Variants in AKAP1 observed in about 807,000 individuals in gnomAD.
AKAP1 encodes the protein A-kinase anchoring protein 1.
In AKAP1, 32 loss-of-function variants were observed where a neutral mutation model predicts 79.8. That is an observed-to-expected ratio of 0.40 (90% CI 0.30 to 0.54). AKAP1 has a LOEUF of 0.54. AKAP1 is among the 20% of genes least tolerant of loss of function. The pLI is 0.47. For missense variants in AKAP1, 961 were observed against 1,138.9 expected, an observed-to-expected ratio of 0.84 and a Z score of 2.25; for synonymous variants, 416 against 466.7, an observed-to-expected ratio of 0.89 and a Z score of 1.40.
intron 3 of AKAP1, among the ~76,000 whole-genome samples, chr17:57,110,951 T>C (rs534636439): frequency 1.3e-5 from 2 of 152,106 alleles, no homozygotes; most frequent in East Asian, 1.9e-4. Context: ...GGCCCTGGGC[T>C]CTGTGCTCAG....
intron 6 of AKAP1, among the ~76,000 whole-genome samples, chr17:57,115,534 T>G (rs936290140): frequency 6.6e-6 from 1 of 152,124 alleles, no homozygotes; most frequent in Non-Finnish European, 1.5e-5. Flanking sequence ...CTCGTCTGCC[T>G]CTGACCCACA....
intron 2 of AKAP1, chr17:57,108,069 CTTCT>C: frequency 8.6e-7 from 1 of 1,159,418 alleles, no homozygotes; most frequent in Non-Finnish European, 1.1e-6. Context: ...CCTGACCCTG[CTTCT>C]GCAGGCACCC....
intron 10 of AKAP1, among the ~76,000 whole-genome samples, chr17:57,119,295 A>G (rs1241212305): frequency 1.3e-5 from 2 of 152,156 alleles, no homozygotes; most frequent in Admixed American, 6.5e-5. Context: ...TAATTATCCA[A>G]CCGCAAATGT....
At chr17:57,116,774 G>T in intron 7 of AKAP1, 86 bp from the exon 8 acceptor site, 1 of 1,282,080 alleles carries the variant, frequency 7.8e-7, no homozygotes, top group East Asian at 2.3e-5. Flanking sequence ...CAGGTTATGG[G>T]CGTCACTGTA....
chr17:57,116,785 C>A (rs1915612488), intron 7 of AKAP1, 75 bp from the exon 8 acceptor site: 2 of 1,415,796 alleles, frequency 1.4e-6, no homozygotes, highest in Admixed American at 1.7e-5. Flanking sequence ...CGTCACTGTA[C>A]AAAGATGAAT....
chr17:57,119,700 G>T (rs1244115177), intron 10 of AKAP1, among the ~76,000 whole-genome samples: 2 of 151,816 alleles, frequency 1.3e-5, no homozygotes, highest in African/African-American at 4.8e-5. Context: ...GGGTGACAGA[G>T]CAAGACTCTG....
Position 57,086,479 on chromosome 17 carries a change from T to G in AKAP1, c.-25+1081T>G, listed in dbSNP as rs1196621998. The stretch of plus-strand genomic sequence containing the variant: ...CGGGATCTTCCTCTCCTGGGGGATG[T>G]CCTGGGTGGCGGCGCCTTCCTGCCG... On this transcript the variant is annotated intron_variant, in intron 1 of 10. Transcript: ENST00000337714. This position sits in a 1 kb window ranked among gnomAD's most constrained non-coding sequence, Gnocchi z 5.1. 2.2e-6 allele frequency: 1 copy of G among 453,698 alleles called. No individual in the cohort carries two copies. The highest frequency in any genetic ancestry group is 4.4e-6 in the Non-Finnish European group (1 of 226,102). The allele number at this position is 453,698 out of a possible 1,614,324, so 28.1% of individuals were successfully genotyped here. A position where few individuals can be genotyped will look rare whatever the true frequency, so the allele number is the denominator to read the frequency against.
Position 57,112,467 on chromosome 17 carries a change from G to A in AKAP1, c.1976-24G>A, listed in dbSNP as rs368277369. On this transcript the variant is annotated intron_variant, in intron 4 of 10. Transcript: ENST00000337714. Reference sequence around the variant, plus strand: ...GAGTTTCCTCTTACAGTGATTGTATGTCCTGCCCCCATCCGCTATTTAGGC... The same window carrying A: ...GAGTTTCCTCTTACAGTGATTGTATATCCTGCCCCCATCCGCTATTTAGGC... 28 of 1,609,568 alleles carry A rather than the reference G, an allele frequency of 1.7e-5. No individual in the cohort carries two copies. In the African/African-American group the frequency reaches 2.8e-4, roughly 16 times the overall value.
chr17:57,117,195 A>C (rs1915639042), intron 8 of AKAP1, among the ~76,000 whole-genome samples: 1 of 152,214 alleles, frequency 6.6e-6, no homozygotes, highest in South Asian at 2.1e-4. Flanking sequence ...CAACAAAGGC[A>C]CTTTCCAGAT....
At chr17:57,117,763 C>T (rs555894631) in intron 8 of AKAP1, among the ~76,000 whole-genome samples, 3 of 152,240 alleles carry the variant, frequency 2.0e-5, no homozygotes, top group Admixed American at 6.5e-5. Flanking sequence ...AAGATTTTCC[C>T]GGATCTTCCT....
intron 6 of AKAP1, among the ~76,000 whole-genome samples, chr17:57,115,220 A>G (rs996226341): frequency 1.4e-4 from 21 of 152,204 alleles, no homozygotes; most frequent in African/African-American, 5.1e-4. Context: ...GGAATGTCAG[A>G]ACATCACCCA....
Position 57,118,862 on chromosome 17 carries a change from A to G in AKAP1, c.2575-120A>G, listed in dbSNP as rs539300223. 35 of 1,103,126 alleles carry G rather than the reference A, an allele frequency of 3.2e-5. No individual in the cohort carries two copies. In the East Asian group the frequency reaches 5.0e-4, roughly 16 times the overall value. 68.3% of individuals were successfully genotyped at this position (1,103,126 alleles called of 1,614,324 possible). A position where few individuals can be genotyped will look rare whatever the true frequency, so the allele number is the denominator to read the frequency against. Reference sequence around the variant, plus strand: ...CATGGGCACACCGCCTCATGATCCAATCACCTCCCACCAGGTCTCTCCCTC... The same window carrying G: ...CATGGGCACACCGCCTCATGATCCAGTCACCTCCCACCAGGTCTCTCCCTC... On this transcript the variant is annotated intron_variant, in intron 9 of 10. Transcript: ENST00000337714.
In AKAP1 at chr17:57,106,163, C is replaced by T. The variant is rs551402214; in HGVS notation, c.699C>T (p.Gly233=). ...TCTTGGAATTGGAGAACAGCAAGGG[C>T]CCCAGCCTGGCCTCTTTAGAGGGGG... ...EHVLELENSK[G]PSLASLEGEE... Residue 233 remains glycine, a synonymous_variant, in exon 2 of 11, where the codon GGC becomes GGT. Coordinates refer to ENST00000337714, the MANE Select transcript of AKAP1 (RefSeq NM_003488.4). 4.9e-5 allele frequency: 79 copies of T among 1,613,044 alleles called. 1 individual carries two copies. In the Admixed American group the frequency reaches 6.2e-4, roughly 13 times the overall value.
At chr17:57,088,413 T>A (rs1913587805) in intron 1 of AKAP1, among the ~76,000 whole-genome samples, 1 of 152,328 alleles carries the variant, frequency 6.6e-6, no homozygotes, top group Admixed American at 6.5e-5. Flanking sequence ...TGCCTCTTTC[T>A]TGATAGTTAC....
chr17:57,106,418 T>C lies in AKAP1; in HGVS notation c.954T>C (p.Asp318=), dbSNP rs979978703. 3.4e-6 allele frequency: 5 copies of C among 1,481,662 alleles called. No homozygotes were observed. The East Asian group carries it at 1.1e-4, about 33-fold the overall frequency. 91.8% of individuals were successfully genotyped at this position (1,481,662 alleles called of 1,614,324 possible). A position where few individuals can be genotyped will look rare whatever the true frequency, so the allele number is the denominator to read the frequency against. ...ESLDRNEEGL[D]RNEEGLDRNE... ...TGGATAGAAATGAGGAGGGCTTGGA[T>C]AGAAATGAGGAGGGCTTGGATAGAA... is the stretch of plus-strand genomic sequence containing the variant. Residue 318 remains aspartate (D), a synonymous_variant, in exon 2 of 11, where the codon GAT becomes GAC. Transcript: ENST00000337714.
chr17:57,119,053 T>C lies in AKAP1; in HGVS notation c.2637+9T>C. On this transcript the variant is annotated intron_variant, in intron 10 of 10. Coordinates refer to ENST00000337714, the MANE Select transcript of AKAP1 (RefSeq NM_003488.4). ...GTGTGGTTGGAGATGAAGTAAGTTC[T>C]GCCCTTCTTTTCCTTCTGTGTTGCT... 6.2e-7 allele frequency: 1 copy of C among 1,613,374 alleles called. No individual in the cohort carries two copies. The highest frequency in any genetic ancestry group is 8.5e-7 in the Non-Finnish European group (1 of 1,179,324).
rs779096303 is a variant in AKAP1, at chr17:57,105,481, G to A, written c.17G>A (p.Arg6His). ...GCCTCCAGGATGGCAATCCAGTTCC[G>A]TTCGCTCTTCCCCTTGGCATTGCCT... is the stretch of plus-strand genomic sequence containing the variant. Reference protein sequence around the residue: MAIQFRSLFPLALPGM... With the variant: MAIQFHSLFPLALPGM... The change falls in exon 2 of 11, where the codon CGT becomes CAT. Residue 6 changes from arginine (R) to histidine (H), a missense_variant. Around this residue, in one of 3 missense-constraint regions of AKAP1, gnomAD observed 108 missense variants for 147.6 expected, o/e 0.73. Transcript: ENST00000337714. The A allele has an allele frequency of 9.9e-6, 16 of 1,613,888 alleles. No individual in the cohort carries two copies. Among genetic ancestry groups the A allele is most frequent in the South Asian group, 3.3e-5 (3 of 91,052 alleles).
intron 6 of AKAP1, 99 bp downstream of exon 6, chr17:57,114,735 G>T (rs1915476225): frequency 7.9e-7 from 1 of 1,273,306 alleles, no homozygotes; most frequent in South Asian, 1.4e-5. Flanking sequence ...ATCCTTCATG[G>T]AAGCAGCATC....
chr17:57,109,793 G>A (rs566983780), intron 2 of AKAP1, among the ~76,000 whole-genome samples: 2 of 152,334 alleles, frequency 1.3e-5, no homozygotes, highest in East Asian at 3.9e-4. Context: ...TGCCAATTAA[G>A]CAAGTGGGAC....
Sources: gnomAD v4.1 joint callset for allele counts (sites outside exome capture counted in the v4.1 genomes callset) on GRCh38, gnomAD v4.1.1 for gene constraint, gnomAD v4.1.1 regional missense constraint, Gnocchi (gnomAD v3.1) non-coding constraint, MANE v1.5 for transcripts, NCBI Gene and HGNC (gene_info 2026-07-23, HGNC 2026-07-21) for gene names.